WWOX: variants seen among roughly 807,000 people sequenced by gnomAD.
WWOX encodes WW domain-containing oxidoreductase.
In WWOX, 69 loss-of-function variants were observed where a neutral mutation model predicts 46.2. That is an observed-to-expected ratio of 1.49 (90% CI 1.23 to 1.82). The LOEUF (loss-of-function observed/expected upper bound fraction) is 1.82. Ranked by LOEUF, WWOX falls within the 40% of genes most tolerant of loss-of-function variation. The pLI is 0.00. For missense variants in WWOX, 919 were observed against 542.6 expected (o/e 1.69, Z -6.89); for synonymous variants, 359 against 202.6 (o/e 1.77, Z -6.56).
intron 8 of WWOX, among the ~76,000 whole-genome samples, chr16:78,953,668 C>G (rs1461029930): frequency 6.6e-6 from 1 of 152,152 alleles, no homozygotes; most frequent in Non-Finnish European, 1.5e-5. Flanking sequence ...CACCTCTGTG[C>G]CAAGCATTTC....
intron 8 of WWOX, among the ~76,000 whole-genome samples, chr16:79,138,695 G>C (rs973406316): frequency 6.6e-6 from 1 of 152,166 alleles, no homozygotes; most frequent in African/African-American, 2.4e-5. Flanking sequence ...GTGGTCACTT[G>C]CTTGCACACA....
chr16:78,959,150 A>G (rs1416233937), intron 8 of WWOX, among the ~76,000 whole-genome samples: 2 of 152,234 alleles, frequency 1.3e-5, no homozygotes, highest in East Asian at 3.8e-4. Flanking sequence ...ATTTCCTTGT[A>G]GAGTATGAAA....
At chr16:78,754,973 A>C (rs1214847066) in intron 8 of WWOX, among the ~76,000 whole-genome samples, 1 of 151,628 alleles carries the variant, frequency 6.6e-6, no homozygotes, top group Non-Finnish European at 1.5e-5. Context: ...ATACTATTAA[A>C]AGAATACACA....
At chr16:78,460,933 A>G (rs11864020) in intron 8 of WWOX, among the ~76,000 whole-genome samples, 4,666 of 152,306 alleles carry the variant, frequency 0.031, 245 homozygotes, top group African/African-American at 0.11. Context: ...TCCAGATATC[A>G]GTAGTGACAG....
intron 8 of WWOX, among the ~76,000 whole-genome samples, chr16:78,740,316 G>T (rs894914730): frequency 1.3e-5 from 2 of 152,116 alleles, no homozygotes; most frequent in Admixed American, 1.3e-4. Context: ...ATTACCCGTC[G>T]GGGGGCTCCT....
chr16:78,902,362 C>T (rs2044851172), intron 8 of WWOX, among the ~76,000 whole-genome samples: 1 of 152,214 alleles, frequency 6.6e-6, no homozygotes, highest in Non-Finnish European at 1.5e-5. Context: ...GGTAAAGAGT[C>T]ACCGCTGATT....
intron 8 of WWOX, among the ~76,000 whole-genome samples, chr16:78,540,172 A>G (rs780607199): frequency 5.9e-5 from 9 of 152,020 alleles, no homozygotes; most frequent in Non-Finnish European, 1.2e-4. Context: ...ATTTAGGTAT[A>G]GTTAGAAAAA....
chr16:78,429,972 C>T (rs971910837), intron 7 of WWOX, among the ~76,000 whole-genome samples: 7 of 152,128 alleles, frequency 4.6e-5, no homozygotes, highest in African/African-American at 1.4e-4. Context: ...CCAGCACCAC[C>T]AACCTTGAGT....
At chr16:78,896,933 T>C (rs58796896) in intron 8 of WWOX, 20,389 of 151,926 alleles carry the variant, frequency 0.13, 1,646 homozygotes, top group Non-Finnish European at 0.17. Context: ...AGTTAAGATA[T>C]AGAACATTCC....
Position 79,212,226 on chromosome 16 carries a change from C to T in WWOX, c.*430C>T. The T allele has an allele frequency of 7.3e-7, 1 of 1,377,126 alleles. No homozygotes were observed. Among genetic ancestry groups the T allele is most frequent in the Non-Finnish European group, 9.6e-7 (1 of 1,045,244 alleles). 85.3% of individuals were successfully genotyped at this position (1,377,126 alleles called of 1,614,324 possible). On this transcript the variant is annotated 3_prime_UTR_variant, in exon 9 of 9. Coordinates refer to ENST00000566780, the MANE Select transcript of WWOX (RefSeq NM_016373.4). Reference sequence around the variant, plus strand: ...TTAGGGAAGAAAAAGCAAGTGTTCACTGCTCCTTGCTGCATTGATCCAGGA... The same window carrying T: ...TTAGGGAAGAAAAAGCAAGTGTTCATTGCTCCTTGCTGCATTGATCCAGGA...
chr16:78,881,458 A>G lies in WWOX; in HGVS notation c.1057-330150A>G, dbSNP rs192437781. On this transcript the variant is annotated intron_variant, in intron 8 of 8. Transcript: ENST00000566780. ...TATTTTCAAGGAAAATCAGAGAATAAAAGTTTCCAATGCATTTAGACTAGA... is the reference window on the plus strand; with the variant it reads ...TATTTTCAAGGAAAATCAGAGAATAGAAGTTTCCAATGCATTTAGACTAGA... Among the ~76,000 whole-genome samples the G allele has an allele frequency of 1.9e-3, 289 of 152,370 alleles. 2 individuals carry two copies. Among genetic ancestry groups the G allele is most frequent in the African/African-American group, 5.7e-3 (236 of 41,590 alleles).
rs542782020 is a variant in WWOX at position 78,373,895 on chromosome 16, C to T, written c.517-12965C>T. The stretch of plus-strand genomic sequence containing the variant: ...CTCTGCCTCCTGAGTTCAAGCAATC[C>T]TCCCACCTCAGCCTCCCAAGTAGCT... On this transcript the variant is annotated intron_variant, in intron 5 of 8. Coordinates refer to ENST00000566780, the MANE Select transcript of WWOX (RefSeq NM_016373.4). Among the ~76,000 whole-genome samples the T allele has an allele frequency of 2.0e-5, 3 of 152,162 alleles. 1 individual carries two copies. The highest frequency in any genetic ancestry group is 7.2e-5 in the African/African-American group (3 of 41,538).
At chr16:78,428,683 A>C (rs2083145018) in intron 7 of WWOX, among the ~76,000 whole-genome samples, 1 of 152,168 alleles carries the variant, frequency 6.6e-6, no homozygotes, top group Admixed American at 6.5e-5. Flanking sequence ...TGTTATCCTT[A>C]AATACTGAAA....
At chr16:78,900,797 T>G (rs1253492141) in intron 8 of WWOX, among the ~76,000 whole-genome samples, 1 of 152,048 alleles carries the variant, frequency 6.6e-6, no homozygotes, top group Non-Finnish European at 1.5e-5. Flanking sequence ...CTCTCTTTTT[T>G]ATTTGAAGGA....
chr16:78,492,262 A>G (rs1167472518), intron 8 of WWOX, among the ~76,000 whole-genome samples: 1 of 152,136 alleles, frequency 6.6e-6, no homozygotes. Flanking sequence ...TGGACGAGAC[A>G]CTCATTCCGA....
intron 8 of WWOX, among the ~76,000 whole-genome samples, chr16:78,543,642 A>C (rs529102319): frequency 3.3e-5 from 5 of 152,206 alleles, no homozygotes; most frequent in Non-Finnish European, 7.3e-5. Flanking sequence ...GCACTTCTCA[A>C]TATTAAACCC....
intron 8 of WWOX, chr16:78,996,378 C>CA (rs374299679): frequency 9.6e-5 from 66 of 685,484 alleles, no homozygotes; most frequent in South Asian, 4.3e-4. Flanking sequence ...CTGCACCCAC[C>CA]CCCGCCCCCC....
intron 8 of WWOX, among the ~76,000 whole-genome samples, chr16:78,680,374 C>T (rs1263822363): frequency 6.6e-6 from 1 of 152,024 alleles, no homozygotes; most frequent in East Asian, 1.9e-4. Flanking sequence ...AAAGACCTAT[C>T]TCTACAAAAA....
At chr16:78,680,358 A>C (rs8050527) in intron 8 of WWOX, among the ~76,000 whole-genome samples, 3,073 of 152,098 alleles carry the variant, frequency 0.02, 117 homozygotes, top group African/African-American at 0.07. Flanking sequence ...AGCCTGAACG[A>C]CGTAAAAAGA....
Sources: allele counts gnomAD v4.1 joint callset (sites outside exome capture counted in the v4.1 genomes callset), GRCh38; gene constraint gnomAD v4.1.1; transcripts MANE v1.5; gene names NCBI Gene and HGNC (gene_info 2026-07-23, HGNC 2026-07-21).